Variants in CEP57L1 observed in about 807,000 individuals in gnomAD.
The protein encoded by CEP57L1 is centrosomal protein CEP57L1.
A neutral mutation model predicts 61.0 loss-of-function variants in CEP57L1; 37 were observed. That is an observed-to-expected ratio of 0.61 (90% confidence interval 0.47 to 0.80). The LOEUF is 0.80. Ranked by LOEUF, CEP57L1 falls within the 30% of genes least tolerant of loss-of-function variation. CEP57L1 has a pLI of 0.00. For synonymous variants in CEP57L1, 137 were observed against 162.3 expected (o/e 0.84, Z 1.19); for missense variants, 422 against 524.7 (o/e 0.80, Z 1.91).
At chr6:109,142,959 C>A (rs1056139312) in intron 1 of CEP57L1, among the ~76,000 whole-genome samples, 1 of 57,556 alleles carries the variant, frequency 1.7e-5, no homozygotes, top group Admixed American at 1.9e-4. Context: ...CTCTCTCTCT[C>A]TCTCTCTCTC....
At chr6:109,157,478 T>G (rs1216262480) in intron 7 of CEP57L1, 2 of 152,230 alleles carry the variant, frequency 1.3e-5, no homozygotes, top group Admixed American at 6.5e-5. Flanking sequence ...AACAAAGTGT[T>G]GTGGTGCTGT....
intron 4 of CEP57L1, among the ~76,000 whole-genome samples, chr6:109,150,850 TC>T (rs576612723): frequency 2.2e-4 from 33 of 151,994 alleles, no homozygotes; most frequent in Non-Finnish European, 4.9e-4. Flanking sequence ...GGGGGAAGTA[TC>T]CTTCAGAAAT....
chr6:109,150,772 A>G (rs1294284157), intron 4 of CEP57L1, among the ~76,000 whole-genome samples: 1 of 152,150 alleles, frequency 6.6e-6, no homozygotes, highest in Non-Finnish European at 1.5e-5. Context: ...TACTGAACCC[A>G]GAAGACAAGG....
At chr6:109,101,047 C>T (rs1284941996) in intron 1 of CEP57L1, among the ~76,000 whole-genome samples, 1 of 152,186 alleles carries the variant, frequency 6.6e-6, no homozygotes, top group Non-Finnish European at 1.5e-5. Context: ...GCAGAGGTTG[C>T]AGTGAGCCAA....
intron 3 of CEP57L1, among the ~76,000 whole-genome samples, chr6:109,149,020 C>T (rs1338375903): frequency 1.3e-5 from 2 of 152,130 alleles, no homozygotes; most frequent in Non-Finnish European, 2.9e-5. Context: ...TGGATATTAG[C>T]CCTTTGTCAG....
In CEP57L1 at chr6:109,163,644, A is replaced by G. The variant is rs967109533; in HGVS notation, c.*674A>G. ...ATCAATTTTATCTTACTACTTTATA[A>G]CTTTTGCTGACTTTTATTCTTTGCA... On this transcript the variant is annotated 3_prime_UTR_variant, in exon 11 of 11. Transcript: ENST00000517392. 10 of 151,962 alleles carry G rather than the reference A, an allele frequency of 6.6e-5. No individual in the cohort carries two copies. The highest frequency in any genetic ancestry group is 2.2e-4 in the African/African-American group (9 of 41,364). 9.4% of individuals were successfully genotyped at this position (151,962 alleles called of 1,614,324 possible).
chr6:109,124,157 G>A (rs1196489375), intron 1 of CEP57L1, among the ~76,000 whole-genome samples: 3 of 151,854 alleles, frequency 2.0e-5, no homozygotes, highest in East Asian at 3.9e-4. Flanking sequence ...TACTTTGAGC[G>A]TTTGGTTGTT....
intron 1 of CEP57L1, chr6:109,130,625 A>T (rs1583500237): frequency 6.9e-6 from 1 of 144,456 alleles, no homozygotes; most frequent in African/African-American, 2.6e-5. Context: ...TGTGAAATTG[A>T]CATTTTTAAA....
chr6:109,109,020 C>T (rs992346215), intron 1 of CEP57L1, among the ~76,000 whole-genome samples: 2 of 152,174 alleles, frequency 1.3e-5, no homozygotes, highest in African/African-American at 4.8e-5. Flanking sequence ...TTCCTTTACT[C>T]TCCCACACTA....
At chr6:109,115,021 A>G (rs1243391919) in intron 1 of CEP57L1, among the ~76,000 whole-genome samples, 1 of 152,186 alleles carries the variant, frequency 6.6e-6, no homozygotes, top group East Asian at 1.9e-4. Flanking sequence ...CAAAATGTAA[A>G]ACTATATTTG....
intron 7 of CEP57L1, chr6:109,158,458 C>G (rs529372666): frequency 2.9e-6 from 1 of 348,262 alleles, no homozygotes; most frequent in East Asian, 8.2e-5. Context: ...CACTGCACCC[C>G]AGTCTGGGTG....
intron 3 of CEP57L1, among the ~76,000 whole-genome samples, chr6:109,148,013 A>C (rs1772151086): frequency 6.6e-6 from 1 of 152,204 alleles, no homozygotes; most frequent in South Asian, 2.1e-4. Context: ...TTGAACTTTT[A>C]GCTCTTGATG....
At chr6:109,111,508 CT>C (rs1417703826) in intron 1 of CEP57L1, among the ~76,000 whole-genome samples, 1 of 152,110 alleles carries the variant, frequency 6.6e-6, no homozygotes, top group African/African-American at 2.4e-5. Flanking sequence ...CTTGAATACC[CT>C]TTATTTCTTT....
chr6:109,158,938 T>C, intron 7 of CEP57L1, 87 bp from the exon 8 acceptor site: 1 of 1,354,288 alleles, frequency 7.4e-7, no homozygotes, highest in Non-Finnish European at 1.0e-6. Context: ...AGTTGCATTG[T>C]TTTCTGTTGA....
Position 109,163,622 on chromosome 6 carries a change from A to G in CEP57L1, c.*652A>G, listed in dbSNP as rs1773902286. 6.6e-6 allele frequency: 1 copy of G among 152,082 alleles called. No individual in the cohort carries two copies. The highest frequency in any genetic ancestry group is 1.5e-5 in the Non-Finnish European group (1 of 68,002). The allele number at this position is 152,082 out of a possible 1,614,324, so 9.4% of individuals were successfully genotyped here. A position where few individuals can be genotyped will look rare whatever the true frequency, so the allele number is the denominator to read the frequency against. The stretch of plus-strand genomic sequence containing the variant: ...AGTTTTTTTTAAAAAATCAATGATC[A>G]ATTTTATCTTACTACTTTATAACTT... On this transcript the variant is annotated 3_prime_UTR_variant, in exon 11 of 11. Coordinates refer to ENST00000517392, the MANE Select transcript of CEP57L1 (RefSeq NM_001271852.3).
chr6:109,116,168 T>C (rs566163205), intron 1 of CEP57L1, among the ~76,000 whole-genome samples: 33 of 151,262 alleles, frequency 2.2e-4, no homozygotes, highest in African/African-American at 7.8e-4. Flanking sequence ...TGTTATGTTA[T>C]GTTATGTTAT....
At chr6:109,142,487 C>A (rs753357651) in intron 1 of CEP57L1, among the ~76,000 whole-genome samples, 9 of 151,744 alleles carry the variant, frequency 5.9e-5, no homozygotes, top group African/African-American at 1.9e-4. Flanking sequence ...ACTTAGAGGA[C>A]GAGTCAATAG....
At chr6:109,119,477 G>A (rs1772697497) in intron 1 of CEP57L1, among the ~76,000 whole-genome samples, 1 of 152,098 alleles carries the variant, frequency 6.6e-6, no homozygotes, top group South Asian at 2.1e-4. Flanking sequence ...GGGAGTAGGA[G>A]GATGATCCTA....
intron 1 of CEP57L1, among the ~76,000 whole-genome samples, chr6:109,122,366 T>C: frequency 6.6e-6 from 1 of 152,188 alleles, no homozygotes; most frequent in African/African-American, 2.4e-5. Context: ...TATTTTTCAT[T>C]TGTTTATATT....
Sources: allele counts gnomAD v4.1 joint callset (sites outside exome capture counted in the v4.1 genomes callset), GRCh38; gene constraint gnomAD v4.1.1; transcripts MANE v1.5; gene names NCBI Gene and HGNC (gene_info 2026-07-23, HGNC 2026-07-21).